The following CCDC91 variants were observed in gnomAD, a reference collection of about 807,000 sequenced individuals.
CCDC91 encodes the protein coiled-coil domain-containing protein 91.
Under a neutral mutation model 63.2 loss-of-function variants are expected in CCDC91, and 48 were observed. The observed-to-expected ratio is 0.76, with a 90% CI of 0.60 to 0.97. CCDC91 has a LOEUF of 0.97. Ranked by LOEUF, CCDC91 falls within the 50% of genes least tolerant of loss-of-function variation. CCDC91 has a pLI of 0.00. For missense variants in CCDC91, 500 were observed against 494.6 expected (o/e 1.01, Z -0.10); for synonymous variants, 167 against 165.8 (o/e 1.01, Z -0.06).
At chr12:28,199,932 T>C (rs79654578) in intron 1 of CCDC91, among the ~76,000 whole-genome samples, 1 of 150,160 alleles carries the variant, frequency 6.7e-6, no homozygotes, top group African/African-American at 2.5e-5. Context: ...TTGAATTTTA[T>C]CCTACTTTGA....
intron 3 of CCDC91, among the ~76,000 whole-genome samples, chr12:28,273,291 A>G (rs942022223): frequency 6.6e-6 from 1 of 152,136 alleles, no homozygotes; most frequent in South Asian, 2.1e-4. Flanking sequence ...ATAGTGCCGC[A>G]GTAAACATAC....
chr12:28,381,050 T>G (rs983446495), intron 7 of CCDC91, among the ~76,000 whole-genome samples: 1 of 152,110 alleles, frequency 6.6e-6, no homozygotes, highest in African/African-American at 2.4e-5. Flanking sequence ...CACAAAAAAC[T>G]ATTTGTAAAG....
intron 7 of CCDC91, among the ~76,000 whole-genome samples, chr12:28,383,320 T>C (rs1373475833): frequency 6.6e-6 from 1 of 152,164 alleles, no homozygotes; most frequent in Non-Finnish European, 1.5e-5. Context: ...CACAGAAAAA[T>C]CTGAGATTCA....
intron 3 of CCDC91, among the ~76,000 whole-genome samples, chr12:28,298,502 A>G (rs1483879820): frequency 3.3e-5 from 5 of 151,326 alleles, no homozygotes; most frequent in African/African-American, 7.3e-5. Flanking sequence ...GATTATTTCA[A>G]TTAGGTAGGA....
At chr12:28,529,024 T>C (rs1303168407) in intron 12 of CCDC91, among the ~76,000 whole-genome samples, 1 of 151,758 alleles carries the variant, frequency 6.6e-6, no homozygotes, top group East Asian at 1.9e-4. Context: ...TGTATGTATG[T>C]ATATATATAT....
intron 7 of CCDC91, among the ~76,000 whole-genome samples, chr12:28,390,233 T>C (rs1302511541): frequency 1.3e-5 from 2 of 152,110 alleles, no homozygotes; most frequent in East Asian, 3.8e-4. Context: ...TTATCCAGCA[T>C]CTTAATACAT....
At chr12:28,312,639 G>A (rs920126208) in intron 6 of CCDC91, among the ~76,000 whole-genome samples, 5 of 151,992 alleles carry the variant, frequency 3.3e-5, no homozygotes, top group Admixed American at 1.3e-4. Flanking sequence ...TTTTTAAATA[G>A]TGATATGGTT....
At chr12:28,376,092 G>A (rs1944925720) in intron 7 of CCDC91, among the ~76,000 whole-genome samples, 1 of 151,556 alleles carries the variant, frequency 6.6e-6, no homozygotes, top group African/African-American at 2.4e-5. Context: ...TGTAGGTAGG[G>A]GCTAGACATT....
At chr12:28,519,940 G>C (rs1464823471) in intron 12 of CCDC91, among the ~76,000 whole-genome samples, 4 of 151,824 alleles carry the variant, frequency 2.6e-5, no homozygotes, top group African/African-American at 9.7e-5. Context: ...TGGTGTATAT[G>C]ATGTGCCACA....
chr12:28,331,083 A>T (rs1441317576), intron 6 of CCDC91, among the ~76,000 whole-genome samples: 1 of 152,186 alleles, frequency 6.6e-6, no homozygotes, highest in Non-Finnish European at 1.5e-5. Context: ...AGACAAAGGC[A>T]TCTGTTAAAA....
intron 3 of CCDC91, among the ~76,000 whole-genome samples, chr12:28,301,965 A>G (rs1216374943): frequency 6.6e-6 from 1 of 151,558 alleles, no homozygotes; most frequent in Non-Finnish European, 1.5e-5. Context: ...TTTAATTTTC[A>G]TTTGAAATTC....
intron 7 of CCDC91, among the ~76,000 whole-genome samples, chr12:28,370,265 A>C (rs1480495042): frequency 6.6e-6 from 1 of 152,202 alleles, no homozygotes; most frequent in Non-Finnish European, 1.5e-5. Context: ...CACTTCTAGA[A>C]TGCTTTGCTG....
At chr12:28,260,638 T>G (rs1445985399) in intron 3 of CCDC91, among the ~76,000 whole-genome samples, 1 of 151,980 alleles carries the variant, frequency 6.6e-6, no homozygotes, top group East Asian at 1.9e-4. Context: ...CTGACTTTCA[T>G]GTTGGACAGC....
intron 7 of CCDC91, among the ~76,000 whole-genome samples, chr12:28,375,712 C>T (rs1228874621): frequency 1.3e-5 from 2 of 151,828 alleles, no homozygotes; most frequent in Non-Finnish European, 2.9e-5. Flanking sequence ...CATGCCACAT[C>T]GAAGATTGTT....
intron 6 of CCDC91, among the ~76,000 whole-genome samples, chr12:28,314,045 C>T (rs1400863538): frequency 6.6e-6 from 1 of 151,994 alleles, no homozygotes; most frequent in African/African-American, 2.4e-5. Context: ...TGATAGTCGT[C>T]AGTATTGGTA....
At chr12:28,519,197 T>C (rs995173143) in intron 12 of CCDC91, among the ~76,000 whole-genome samples, 3 of 152,106 alleles carry the variant, frequency 2.0e-5, no homozygotes, top group African/African-American at 2.4e-5. Context: ...TGTATTTCCA[T>C]TTGTTTGTGT....
intron 12 of CCDC91, among the ~76,000 whole-genome samples, chr12:28,540,338 A>G (rs568619306): frequency 2.6e-5 from 4 of 152,156 alleles, no homozygotes; most frequent in Admixed American, 2.6e-4. Flanking sequence ...GCTATAAAGA[A>G]ATCTGTCTGA....
In CCDC91 at chr12:28,512,988, T is replaced by C. The variant is rs59047365; in HGVS notation, c.1215+28823T>C. 2.3e-3 allele frequency among the ~76,000 whole-genome samples: 357 copies of C among 151,972 alleles called. 2 individuals are homozygous for C. The highest frequency in any genetic ancestry group is 8.3e-3 in the African/African-American group (343 of 41,514). ...AGCTATGCTGTAAAATTAAAAGATATTCAAAACTGTTAGCAAAGCTTTTCC... is the reference window on the plus strand; with the variant it reads ...AGCTATGCTGTAAAATTAAAAGATACTCAAAACTGTTAGCAAAGCTTTTCC... On this transcript the variant is annotated intron_variant, in intron 12 of 12. Transcript: ENST00000536442.
intron 1 of CCDC91, among the ~76,000 whole-genome samples, chr12:28,212,634 A>G (rs1943308458): frequency 6.6e-6 from 1 of 152,204 alleles, no homozygotes. Context: ...GTTTTCTTTA[A>G]CACAAGTTTT....
Sources: allele counts gnomAD v4.1 joint callset (sites outside exome capture counted in the v4.1 genomes callset), GRCh38; gene constraint gnomAD v4.1.1; transcripts MANE v1.5; gene names NCBI Gene and HGNC (gene_info 2026-07-23, HGNC 2026-07-21).